ATP9A: variants seen among roughly 807,000 people sequenced by gnomAD.
ATP9A encodes the protein probable phospholipid-transporting ATPase IIA.
ATP9A carries 52 observed loss-of-function variants against 144.1 expected under a neutral mutation model. The ratio of observed to expected loss-of-function variants is 0.36; its 90% CI spans 0.29 to 0.45. The LOEUF (loss-of-function observed/expected upper bound fraction) is 0.45, where lower values mean the gene tolerates loss of function less well. ATP9A is among the 20% of genes least tolerant of loss of function. The pLI is 1.00. For missense variants in ATP9A, 947 were observed against 1,392.7 expected (o/e 0.68, Z 5.09); for synonymous variants, 582 against 557.4 (o/e 1.04, Z -0.62).
intron 14 of ATP9A, among the ~76,000 whole-genome samples, chr20:51,652,860 A>G (rs1195184054): frequency 2.0e-5 from 3 of 152,082 alleles, no homozygotes; most frequent in South Asian, 2.1e-4. Context: ...TGTAATCCCA[A>G]CACTTTGGGA....
chr20:51,710,799 G>C (rs1380354228), intron 4 of ATP9A, among the ~76,000 whole-genome samples: 1 of 152,154 alleles, frequency 6.6e-6, no homozygotes, highest in Non-Finnish European at 1.5e-5. Flanking sequence ...GTTGAAGCAA[G>C]AGCTGGGAAG....
intron 1 of ATP9A, among the ~76,000 whole-genome samples, chr20:51,742,573 G>A (rs2077789709): frequency 6.6e-6 from 1 of 151,896 alleles, no homozygotes; most frequent in African/African-American, 2.4e-5. Flanking sequence ...GGAGTGCAGT[G>A]GCGCGATCTC....
chr20:51,705,756 T>C (rs1362712950), intron 4 of ATP9A, among the ~76,000 whole-genome samples: 1 of 152,226 alleles, frequency 6.6e-6, no homozygotes, highest in Non-Finnish European at 1.5e-5. Context: ...ATTAAACTTT[T>C]GGTTTGGGGA....
At chr20:51,619,512 G>A (rs1327766363) in intron 19 of ATP9A, among the ~76,000 whole-genome samples, 4 of 142,222 alleles carry the variant, frequency 2.8e-5, no homozygotes, top group South Asian at 4.8e-4. Context: ...GCAGTGAGCC[G>A]AGATCATGCC....
At chr20:51,631,514 G>A (rs1047602941) in intron 15 of ATP9A, among the ~76,000 whole-genome samples, 1 of 152,162 alleles carries the variant, frequency 6.6e-6, no homozygotes, top group African/African-American at 2.4e-5. Flanking sequence ...CAGAAGTTCT[G>A]TCCAATATAA....
intron 14 of ATP9A, among the ~76,000 whole-genome samples, chr20:51,650,972 ACTTT>A (rs142659536): frequency 0.035 from 5,271 of 150,682 alleles, 115 homozygotes; most frequent in Non-Finnish European, 0.053. Flanking sequence ...AAGTCATATG[ACTTT>A]CTTTTTTTTA....
chr20:51,621,403 C>G (rs906958252), intron 19 of ATP9A, among the ~76,000 whole-genome samples: 2 of 152,078 alleles, frequency 1.3e-5, no homozygotes, highest in Non-Finnish European at 2.9e-5. Flanking sequence ...TAGAGACCCT[C>G]CAGTGGTTTG....
chr20:51,654,512 T>TAA (rs750912810), intron 14 of ATP9A, among the ~76,000 whole-genome samples: 1 of 140,778 alleles, frequency 7.1e-6, no homozygotes. Context: ...GTTAAATGTT[T>TAA]AAAAAAAAAA....
intron 3 of ATP9A, among the ~76,000 whole-genome samples, chr20:51,714,620 G>T (rs571556844): frequency 1.7e-4 from 26 of 151,844 alleles, no homozygotes; most frequent in Non-Finnish European, 3.4e-4. Context: ...CACCCGCCTC[G>T]GCCTCCCAAA....
At chr20:51,712,293 C>G (rs1167369973) in intron 4 of ATP9A, among the ~76,000 whole-genome samples, 1 of 152,098 alleles carries the variant, frequency 6.6e-6, no homozygotes, top group Non-Finnish European at 1.5e-5. Context: ...CCAGGATGGT[C>G]TCGATCTCCG....
intron 1 of ATP9A, among the ~76,000 whole-genome samples, chr20:51,739,004 G>A (rs945800462): frequency 8.8e-5 from 13 of 148,220 alleles, no homozygotes; most frequent in Admixed American, 2.7e-4. Flanking sequence ...CAAGAGAATC[G>A]CTTGAACCTG....
chr20:51,682,906 C>T (rs1361105524), intron 9 of ATP9A, among the ~76,000 whole-genome samples: 5 of 149,166 alleles, frequency 3.4e-5, no homozygotes, highest in Non-Finnish European at 7.4e-5. Context: ...GCCTGACCAA[C>T]ATGGTAAAAC....
chr20:51,761,788 A>G (rs1601150943), intron 1 of ATP9A, among the ~76,000 whole-genome samples: 1 of 151,910 alleles, frequency 6.6e-6, no homozygotes, highest in East Asian at 1.9e-4. Context: ...GCACAACTTG[A>G]GTGGCTTAAA....
intron 14 of ATP9A, among the ~76,000 whole-genome samples, chr20:51,641,881 C>A (rs2077320912): frequency 6.7e-6 from 1 of 149,690 alleles, no homozygotes; most frequent in Non-Finnish European, 1.5e-5. Flanking sequence ...GGTGATGCCT[C>A]CCAAGTACCC....
rs965668275 is a variant in ATP9A, at chr20:51,639,373, A to G, written c.1638T>C (p.Tyr546=). Residue 546 remains tyrosine (Y), a synonymous_variant, in exon 15 of 28, where the codon TAT becomes TAC. Transcript: ENST00000338821. ...CGATGATGCCCATACGTTTGCTTTC[A>G]TAGGTGAAAGGGAAGATCTGTAGGA... ...FTILQIFPFT[Y]ESKRMGIIVR... The G allele has an allele frequency of 6.2e-7, 1 of 1,613,798 alleles. No individual in the cohort carries two copies. The highest frequency in any genetic ancestry group is 8.5e-7 in the Non-Finnish European group (1 of 1,179,928).
chr20:51,697,419 C>T lies in ATP9A; in HGVS notation c.495+5G>A. 6.2e-7 allele frequency: 1 copy of T among 1,612,790 alleles called. No homozygotes were observed. The highest frequency in any genetic ancestry group is 8.5e-7 in the Non-Finnish European group (1 of 1,179,452). ...TCCACACACAAGCTTCCAGATTCTGCTCACCTTTTCAACGATGATAAGGTC... is the reference window on the plus strand; with the variant it reads ...TCCACACACAAGCTTCCAGATTCTGTTCACCTTTTCAACGATGATAAGGTC... On this transcript the variant is annotated splice_donor_5th_base_variant and intron_variant, in intron 5 of 27. Coordinates refer to ENST00000338821, the MANE Select transcript of ATP9A (RefSeq NM_006045.3).
At chr20:51,743,780 G>T (rs568903059) in intron 1 of ATP9A, among the ~76,000 whole-genome samples, 7 of 149,732 alleles carry the variant, frequency 4.7e-5, no homozygotes, top group Admixed American at 6.6e-5. Flanking sequence ...AGGCTGAGGC[G>T]GGCGGATCAC....
rs1041431215 is a variant in ATP9A, at chr20:51,600,800, C to T, written c.*411G>A. 3.0e-5 allele frequency: 4 copies of T among 131,680 alleles called. No individual in the cohort carries two copies. The highest frequency in any genetic ancestry group is 1.2e-4 in the African/African-American group (4 of 33,492). 8.2% of individuals were successfully genotyped at this position (131,680 alleles called of 1,614,324 possible). ...TAAAGAGTACATACACATTAGGACT[C>T]TTTAAAAACACACACACACACACAC... On this transcript the variant is annotated 3_prime_UTR_variant, in exon 28 of 28. Transcript: ENST00000338821.
At chr20:51,752,739 C>T (rs1001590848) in intron 1 of ATP9A, among the ~76,000 whole-genome samples, 16 of 152,266 alleles carry the variant, frequency 1.1e-4, no homozygotes, top group Middle Eastern at 3.4e-3. Context: ...TCTCAGGCCC[C>T]GGGCAGGAGT....
Sources: allele counts gnomAD v4.1 joint callset (sites outside exome capture counted in the v4.1 genomes callset), GRCh38; gene constraint gnomAD v4.1.1; transcripts MANE v1.5; gene names NCBI Gene and HGNC (gene_info 2026-07-23, HGNC 2026-07-21).